ESRRB: variants seen among roughly 807,000 people sequenced by gnomAD.
ESRRB encodes the protein estrogen related receptor beta.
Under a neutral mutation model 46.0 loss-of-function variants are expected in ESRRB, and 16 were observed. The observed-to-expected ratio is 0.35, with a 90% confidence interval of 0.24 to 0.53. ESRRB has a LOEUF of 0.53. ESRRB is among the 20% of genes least tolerant of loss of function. The pLI, the probability that ESRRB is intolerant of heterozygous loss-of-function variation, is 0.93. For missense variants in ESRRB, 488 were observed against 607.4 expected, an observed-to-expected ratio of 0.80 and a Z score of 2.07; for synonymous variants, 246 against 259.6, an observed-to-expected ratio of 0.95 and a Z score of 0.50.
chr14:76,484,936 G>T (rs373159946), intron 5 of ESRRB, among the ~76,000 whole-genome samples: 1 of 152,232 alleles, frequency 6.6e-6, no homozygotes, highest in African/African-American at 2.4e-5. Flanking sequence ...TGTGTACACC[G>T]GGTGAATGGC....
chr14:76,399,319 A>G (rs995915820), intron 1 of ESRRB, among the ~76,000 whole-genome samples: 1 of 152,142 alleles, frequency 6.6e-6, no homozygotes, highest in Non-Finnish European at 1.5e-5. Flanking sequence ...TAGACAAGCC[A>G]CTTAGCCTCT....
intron 1 of ESRRB, among the ~76,000 whole-genome samples, chr14:76,315,731 G>T (rs1197530158): frequency 6.6e-6 from 1 of 152,148 alleles, no homozygotes; most frequent in Non-Finnish European, 1.5e-5. Context: ...CTGAAAGTTG[G>T]CCATGCAGAG....
At chr14:76,462,471 C>T in intron 2 of ESRRB, 74 bp from the exon 3 acceptor site, 2 of 1,135,834 alleles carry the variant, frequency 1.8e-6, no homozygotes, top group South Asian at 1.2e-5. Context: ...AATCCCCATC[C>T]AGCCAGCCCT....
Position 76,393,185 on chromosome 14 carries a change from C to T in ESRRB, c.50+16734C>T, listed in dbSNP as rs112640231. ...TATTCTTTGACCACCCAGCTCCATG[C>T]CTGGCCAGCAGAGTTCTCGCAGGAG... is the stretch of plus-strand genomic sequence containing the variant. On this transcript the variant is annotated intron_variant, in intron 1 of 6. Transcript: ENST00000644823. 2.0e-3 allele frequency among the ~76,000 whole-genome samples: 309 copies of T among 152,322 alleles called. 2 individuals are homozygous for T. Among genetic ancestry groups the T allele is most frequent in the African/African-American group, 7.1e-3 (295 of 41,578 alleles).
chr14:76,324,746 G>A (rs186156615), intron 1 of ESRRB, among the ~76,000 whole-genome samples: 47 of 152,230 alleles, frequency 3.1e-4, no homozygotes, highest in Admixed American at 3.0e-3. Flanking sequence ...ACATACGTAC[G>A]CTTGGTGGAG....
chr14:76,475,320 G>A (rs1364617351), intron 3 of ESRRB, among the ~76,000 whole-genome samples: 1 of 148,852 alleles, frequency 6.7e-6, no homozygotes, highest in East Asian at 2.0e-4. Context: ...AGCGAGCTGT[G>A]ATGGACTCAC....
chr14:76,354,647 G>T (rs1398078888), intron 1 of ESRRB, among the ~76,000 whole-genome samples: 4 of 150,422 alleles, frequency 2.7e-5, no homozygotes, highest in African/African-American at 9.8e-5. Flanking sequence ...TGACCCACAA[G>T]AACCCATGGG....
chr14:76,349,194 C>T (rs369822358), intron 1 of ESRRB, among the ~76,000 whole-genome samples: 23 of 152,296 alleles, frequency 1.5e-4, no homozygotes, highest in African/African-American at 4.8e-4. Context: ...AGCTGGAGTC[C>T]GGAGTGGCTG....
chr14:76,374,663 C>A (rs1054498014), upstream of ESRRB, among the ~76,000 whole-genome samples: 1 of 152,122 alleles, frequency 6.6e-6, no homozygotes, highest in African/African-American at 2.4e-5. Flanking sequence ...AAGCCAGGCT[C>A]AAGGGAAGCA....
At chr14:76,317,456 C>T (rs1049785658) in intron 1 of ESRRB, among the ~76,000 whole-genome samples, 9 of 151,854 alleles carry the variant, frequency 5.9e-5, no homozygotes, top group Non-Finnish European at 1.2e-4. Flanking sequence ...ATCCCATGTG[C>T]ATCTGGGGTT....
chr14:76,430,084 G>A (rs1328786794), intron 1 of ESRRB, among the ~76,000 whole-genome samples: 2 of 152,066 alleles, frequency 1.3e-5, no homozygotes, highest in East Asian at 3.9e-4. Flanking sequence ...CAGGAAAACT[G>A]GAACCTTGAC....
At chr14:76,316,154 T>C (rs1299858131) in intron 1 of ESRRB, among the ~76,000 whole-genome samples, 1 of 152,168 alleles carries the variant, frequency 6.6e-6, no homozygotes, top group Non-Finnish European at 1.5e-5. Context: ...ACACGATCAC[T>C]TGACAAATGA....
chr14:76,340,896 G>A (rs1260267720), intron 1 of ESRRB, among the ~76,000 whole-genome samples: 1 of 152,176 alleles, frequency 6.6e-6, no homozygotes, highest in African/African-American at 2.4e-5. Flanking sequence ...TGCTCTCTCT[G>A]TTATGAACTG....
At chr14:76,381,313 G>A (rs1368399194) in intron 1 of ESRRB, among the ~76,000 whole-genome samples, 2 of 152,088 alleles carry the variant, frequency 1.3e-5, no homozygotes, top group Non-Finnish European at 2.9e-5. Flanking sequence ...TGGCTGGCCC[G>A]GCAGATTAAC....
chr14:76,360,568 A>T (rs1376578175), intron 1 of ESRRB, among the ~76,000 whole-genome samples: 1 of 152,030 alleles, frequency 6.6e-6, no homozygotes, highest in Non-Finnish European at 1.5e-5. Context: ...GTAGAACATG[A>T]CCCTGAGAAT....
intron 1 of ESRRB, among the ~76,000 whole-genome samples, chr14:76,412,763 C>A (rs542083975): frequency 1.3e-5 from 2 of 152,156 alleles, no homozygotes; most frequent in Non-Finnish European, 2.9e-5. Flanking sequence ...AAATAGCTGG[C>A]TTTGCTAATG....
rs28484953 is a variant in ESRRB, at chr14:76,359,478, C to T, written c.2+48562C>T. 3.3e-3 allele frequency among the ~76,000 whole-genome samples: 509 copies of T among 152,296 alleles called. 1 individual carries two copies. Among genetic ancestry groups the T allele is most frequent in the African/African-American group, 0.011 (470 of 41,542 alleles). On this transcript the variant is annotated intron_variant, in intron 1 of 6. Transcript: ENST00000512784. ...TTTATCTGCCTTGTCTCATTTCATT[C>T]GCAGAAGCACCCTATTAGGTCAGTC... is the stretch of plus-strand genomic sequence containing the variant.
intron 6 of ESRRB, among the ~76,000 whole-genome samples, chr14:76,492,809 T>G (rs1309130899): frequency 6.6e-6 from 1 of 152,206 alleles, no homozygotes; most frequent in East Asian, 1.9e-4. Context: ...CTAGATTATC[T>G]GAGGAGAGAG....
At chr14:76,491,837 T>A in intron 6 of ESRRB, 121 bp downstream of exon 6, 2 of 1,203,182 alleles carry the variant, frequency 1.7e-6, no homozygotes, top group Non-Finnish European at 2.3e-6. Flanking sequence ...AGGAAAACAC[T>A]GAAACTTTTT....
Sources: gnomAD v4.1 joint callset for allele counts (sites outside exome capture counted in the v4.1 genomes callset) on GRCh38, gnomAD v4.1.1 for gene constraint, MANE v1.5 for transcripts, NCBI Gene and HGNC (gene_info 2026-07-23, HGNC 2026-07-21) for gene names.